Variants in RHOJ observed in about 807,000 individuals in gnomAD.
The protein encoded by RHOJ is rho-related GTP-binding protein RhoJ.
RHOJ carries 11 observed loss-of-function variants against 23.4 expected under a neutral mutation model. The ratio of observed to expected loss-of-function variants is 0.47; its 90% CI spans 0.30 to 0.78. RHOJ has a LOEUF of 0.78. RHOJ is among the 30% of genes least tolerant of loss of function. The pLI, the probability that RHOJ is intolerant of heterozygous loss-of-function variation, is 0.08. For missense variants in RHOJ, 254 were observed against 273.4 expected, an observed-to-expected ratio of 0.93 and a Z score of 0.50; for synonymous variants, 102 against 102.7, an observed-to-expected ratio of 0.99 and a Z score of 0.04.
intron 1 of RHOJ, among the ~76,000 whole-genome samples, chr14:63,264,112 C>T (rs1201656189): frequency 1.3e-5 from 2 of 151,896 alleles, no homozygotes; most frequent in East Asian, 1.9e-4. Context: ...ACTATGCTTA[C>T]TACATACCCA....
chr14:63,274,213 C>T (rs1881641787), intron 2 of RHOJ, among the ~76,000 whole-genome samples: 1 of 152,210 alleles, frequency 6.6e-6, no homozygotes, highest in Non-Finnish European at 1.5e-5. Context: ...ATCTGGAGCA[C>T]AGGATCTGGC....
intron 1 of RHOJ, among the ~76,000 whole-genome samples, chr14:63,266,624 T>G (rs1895372215): frequency 6.6e-6 from 1 of 152,224 alleles, no homozygotes; most frequent in Non-Finnish European, 1.5e-5. Context: ...GTTTTATAGT[T>G]CTCCTTGTAG....
In RHOJ at chr14:63,241,521, A is replaced by C. The variant is rs540473068; in HGVS notation, c.179-27589A>C. Among the ~76,000 whole-genome samples, 155 of 152,270 alleles carry C rather than the reference A, an allele frequency of 1.0e-3. 1 individual carries two copies. Among genetic ancestry groups the C allele is most frequent in the Admixed American group, 3.4e-3 (52 of 15,292 alleles). ...GAAGGTTTAAGATTTATTAATACAA[A>C]GGAAAGCAAGTACAAGCAAAAGACA... On this transcript the variant is annotated intron_variant, in intron 1 of 4. Transcript: ENST00000316754.
At chr14:63,260,546 G>C (rs141373812) in intron 1 of RHOJ, among the ~76,000 whole-genome samples, 43 of 152,254 alleles carry the variant, frequency 2.8e-4, no homozygotes, top group African/African-American at 1.0e-3. Flanking sequence ...CCAAATACTA[G>C]TTTTTCTAAC....
chr14:63,257,065 C>G, intron 1 of RHOJ, among the ~76,000 whole-genome samples: 1 of 132,740 alleles, frequency 7.5e-6, no homozygotes, highest in African/African-American at 2.8e-5. Context: ...GAGCGTGACT[C>G]TGTCCCAAAA....
Position 63,219,677 on chromosome 14 carries a change from G to T in RHOJ, c.178+14630G>T, listed in dbSNP as rs537059394. On this transcript the variant is annotated intron_variant, in intron 1 of 4. Coordinates refer to ENST00000316754, the MANE Select transcript of RHOJ (RefSeq NM_020663.5). ...CTAAAAATACAAAACTTAGCTGTGT[G>T]TGCTGGCGCATGCCTGTGGTCCCAG... Among the ~76,000 whole-genome samples, 9 of 152,260 alleles carry T rather than the reference G, an allele frequency of 5.9e-5. No individual in the cohort carries two copies. In the East Asian group the frequency reaches 1.6e-3, roughly 26 times the overall value.
intron 2 of RHOJ, among the ~76,000 whole-genome samples, chr14:63,274,299 G>A (rs1410542324): frequency 6.6e-6 from 1 of 152,178 alleles, no homozygotes; most frequent in Non-Finnish European, 1.5e-5. Context: ...CAAATTTCTT[G>A]CTCACGTGTA....
rs181927671 is a variant in RHOJ, at chr14:63,252,434, G to A, written c.179-16676G>A. 3.3e-5 allele frequency among the ~76,000 whole-genome samples: 5 copies of A among 152,232 alleles called. No individual in the cohort carries two copies. The East Asian group carries it at 5.8e-4, about 18-fold the overall frequency. On this transcript the variant is annotated intron_variant, in intron 1 of 4. Coordinates refer to ENST00000316754, the MANE Select transcript of RHOJ (RefSeq NM_020663.5). ...AGAACTGTCTACTGATTCAGTATCC[G>A]GTATCATCCATTCAGACCAGTTCAT...
intron 1 of RHOJ, among the ~76,000 whole-genome samples, chr14:63,244,176 T>G (rs958101925): frequency 6.6e-6 from 1 of 152,196 alleles, no homozygotes; most frequent in Non-Finnish European, 1.5e-5. Context: ...CAGAAAAATT[T>G]GTTGGCAGTT....
chr14:63,262,283 A>G (rs1895286000), intron 1 of RHOJ, among the ~76,000 whole-genome samples: 1 of 152,190 alleles, frequency 6.6e-6, no homozygotes, highest in Admixed American at 6.5e-5. Context: ...AGGGAAGTAG[A>G]CGTAAGTTCT....
intron 1 of RHOJ, among the ~76,000 whole-genome samples, chr14:63,208,132 G>A (rs183016553): frequency 6.6e-6 from 1 of 152,148 alleles, no homozygotes; most frequent in Admixed American, 6.5e-5. Context: ...AAATTGGGAG[G>A]GGAAATATCA....
chr14:63,291,050 C>A lies in RHOJ; in HGVS notation c.*26C>A. ...GGTTGTCTGGGACCTGCCTCCACCC[C>A]ATCCAGGGATGAGAATGGCAGCCAA... On this transcript the variant is annotated 3_prime_UTR_variant, in exon 5 of 5. Coordinates refer to ENST00000316754, the MANE Select transcript of RHOJ (RefSeq NM_020663.5). 3 of 1,613,250 alleles carry A rather than the reference C, an allele frequency of 1.9e-6. No homozygotes were observed. Among genetic ancestry groups the A allele is most frequent in the Non-Finnish European group, 2.5e-6 (3 of 1,179,688 alleles).
intron 1 of RHOJ, among the ~76,000 whole-genome samples, chr14:63,233,966 A>G (rs192653186): frequency 1.3e-4 from 20 of 152,326 alleles, no homozygotes; most frequent in East Asian, 1.9e-4. Flanking sequence ...CTTTTCAACC[A>G]TATCCCCACC....
intron 2 of RHOJ, among the ~76,000 whole-genome samples, chr14:63,273,890 G>C (rs1321152728): frequency 6.6e-6 from 1 of 152,212 alleles, no homozygotes; most frequent in East Asian, 1.9e-4. Flanking sequence ...GTGAACCACT[G>C]CATGTGGGCA....
At chr14:63,229,875 G>T (rs78430598) in intron 1 of RHOJ, among the ~76,000 whole-genome samples, 6,531 of 152,208 alleles carry the variant, frequency 0.043, 251 homozygotes, top group Non-Finnish European at 0.058. Context: ...GATCACTGGG[G>T]TTATTTTAGA....
intron 2 of RHOJ, among the ~76,000 whole-genome samples, chr14:63,270,337 G>T (rs1895445625): frequency 6.6e-6 from 1 of 152,146 alleles, no homozygotes; most frequent in African/African-American, 2.4e-5. Context: ...TGTTGGCCAG[G>T]CTAGGGTGTG....
At chr14:63,242,923 G>T (rs1257257247) in intron 1 of RHOJ, among the ~76,000 whole-genome samples, 3 of 152,050 alleles carry the variant, frequency 2.0e-5, no homozygotes, top group African/African-American at 7.2e-5. Context: ...AAAATTAAAG[G>T]TTCCATTTCC....
chr14:63,230,750 A>G (rs1894677305), intron 1 of RHOJ, among the ~76,000 whole-genome samples: 3 of 151,792 alleles, frequency 2.0e-5, no homozygotes, highest in Admixed American at 2.0e-4. Context: ...CTCTATTAAG[A>G]AAAGGGTGCC....
intron 1 of RHOJ, among the ~76,000 whole-genome samples, chr14:63,213,236 G>A (rs1894278933): frequency 6.6e-6 from 1 of 152,192 alleles, no homozygotes; most frequent in Non-Finnish European, 1.5e-5. Context: ...TGTCACCCAG[G>A]TGGTGAGTAC....
Sources: allele counts gnomAD v4.1 joint callset (sites outside exome capture counted in the v4.1 genomes callset), GRCh38; gene constraint gnomAD v4.1.1; transcripts MANE v1.5; gene names NCBI Gene and HGNC (gene_info 2026-07-23, HGNC 2026-07-21).